SLC14A1: variants seen among roughly 807,000 people sequenced by gnomAD.
SLC14A1 encodes the protein urea transporter 1.
In SLC14A1, 36 loss-of-function variants were observed where a neutral mutation model predicts 39.6. That is an observed-to-expected ratio of 0.91 (90% CI 0.70 to 1.20). The LOEUF is 1.20. Ranked by LOEUF, SLC14A1 falls within the 50% of genes most tolerant of loss-of-function variation. The pLI is 0.00. For synonymous variants in SLC14A1, 164 were observed against 173.6 expected (o/e 0.94, Z 0.43); for missense variants, 469 against 478.7 (o/e 0.98, Z 0.19).
Position 45,730,331 on chromosome 18 carries a change from G to A in SLC14A1, c.11G>A (p.Ser4Asn). 1 of 1,613,044 alleles carries A rather than the reference G, an allele frequency of 6.2e-7. No individual in the cohort carries two copies. The highest frequency in any genetic ancestry group is 8.5e-7 in the Non-Finnish European group (1 of 1,179,850). MED[S>N]PTMVRVDSPT... ...GAGGAAGAGATAGCCATGGAGGACA[G>A]CCCCACTATGGTTAGAGTGGACAGC... The change falls in exon 3 of 10, where the codon AGC (serine) becomes AAC (asparagine). Residue 4 changes from serine (S) to asparagine (N), a missense_variant. Physicochemically the swap from Ser to Asn is conservative, Grantham distance 46. Transcript: ENST00000321925.
intron 2 of SLC14A1, among the ~76,000 whole-genome samples, chr18:45,727,883 G>A (rs1237696581): frequency 6.6e-6 from 1 of 152,188 alleles, no homozygotes; most frequent in African/African-American, 2.4e-5. Flanking sequence ...ACAACTGTAA[G>A]TTTCGTATTT....
chr18:45,747,083 A>T (rs183154013), intron 8 of SLC14A1: 1 of 152,304 alleles, frequency 6.6e-6, no homozygotes, highest in African/African-American at 2.4e-5. Flanking sequence ...AGCCTCTCCC[A>T]CCATGTCTGC....
At chr18:45,731,366 TAC>T (rs2047025231) in intron 4 of SLC14A1, 162 bp downstream of exon 4, 1 of 721,240 alleles carries the variant, frequency 1.4e-6, no homozygotes, top group African/African-American at 1.7e-5. Flanking sequence ...GGGAATCAGT[TAC>T]AGTCTCTTGC....
At chr18:45,745,235 C>T (rs1381360881) in intron 8 of SLC14A1, among the ~76,000 whole-genome samples, 1 of 152,230 alleles carries the variant, frequency 6.6e-6, no homozygotes, top group Admixed American at 6.5e-5. Flanking sequence ...GAGAGAGACT[C>T]TGTCTCAAAG....
intron 4 of SLC14A1, chr18:45,731,458 A>T: frequency 1.9e-6 from 1 of 530,548 alleles, no homozygotes; most frequent in Non-Finnish European, 3.4e-6. Context: ...CTAAGCTACA[A>T]GTATTTCCCT....
At chr18:45,736,301 G>C (rs899445752) in intron 5 of SLC14A1, among the ~76,000 whole-genome samples, 155 bp from the exon 6 acceptor site, 2 of 152,156 alleles carry the variant, frequency 1.3e-5, no homozygotes, top group Non-Finnish European at 2.9e-5. Context: ...CTCTATAATA[G>C]GATTTATCCC....
chr18:45,734,938 T>G (rs148250220), intron 5 of SLC14A1, among the ~76,000 whole-genome samples: 123 of 152,282 alleles, frequency 8.1e-4, no homozygotes, highest in Non-Finnish European at 1.5e-3. Context: ...TACAACCAGT[T>G]ATTTGGCCTT....
Position 45,731,276 on chromosome 18 carries a change from A to G in SLC14A1, c.341+72A>G, listed in dbSNP as rs534964434. 30 of 1,425,928 alleles carry G rather than the reference A, an allele frequency of 2.1e-5. No individual in the cohort carries two copies. In the Admixed American group the frequency reaches 4.4e-4, roughly 21 times the overall value. The allele number at this position is 1,425,928 out of a possible 1,614,324, so 88.3% of individuals were successfully genotyped here. ...GGGCTGACCAGTTACTGTGGGCAAC[A>G]GTGATAAAACCACATCCTTCCCAGG... On this transcript the variant is annotated intron_variant, in intron 4 of 9. Coordinates refer to ENST00000321925, the MANE Select transcript of SLC14A1 (RefSeq NM_015865.7).
At chr18:45,729,637 A>G (rs1488591535) in intron 2 of SLC14A1, 3 of 152,180 alleles carry the variant, frequency 2.0e-5, no homozygotes, top group African/African-American at 7.2e-5. Flanking sequence ...CTGGTTTTAC[A>G]TATTTAAATA....
At chr18:45,748,534 A>T (rs2047618279) in intron 9 of SLC14A1, 109 bp downstream of exon 9, 2 of 1,106,084 alleles carry the variant, frequency 1.8e-6, no homozygotes, top group Non-Finnish European at 2.8e-6. Context: ...AGGATCCATG[A>T]CCATGAGAAG....
chr18:45,734,436 G>GAAAA, intron 5 of SLC14A1, 34 bp downstream of exon 5: 1 of 1,370,638 alleles, frequency 7.3e-7, no homozygotes, highest in Non-Finnish European at 1.0e-6. Flanking sequence ...ATGCCTTTTT[G>GAAAA]AAAAAAAAAA....
Position 45,734,382 on chromosome 18 carries a change from A to G in SLC14A1, c.450A>G (p.Val150=). 2 of 1,613,506 alleles carry G rather than the reference A, an allele frequency of 1.2e-6. No individual in the cohort carries two copies. The highest frequency in any genetic ancestry group is 1.7e-6 in the Non-Finnish European group (2 of 1,179,824). The change falls in exon 5 of 10, where the codon GTA becomes GTG. Residue 150 remains valine, a synonymous_variant. Transcript: ENST00000321925. ...ATTTCTGGTGGCTGTTACTCCCTGTATGTGCTATGTCCATGACTTGGTAAG... is the reference window on the plus strand; with the variant it reads ...ATTTCTGGTGGCTGTTACTCCCTGTGTGTGCTATGTCCATGACTTGGTAAG... The part of the protein sequence containing the change: ...GDYFWWLLLP[V]CAMSMTCPIF...
chr18:45,730,817 G>C (rs576058993), intron 3 of SLC14A1, among the ~76,000 whole-genome samples, 198 bp from the exon 4 acceptor site: 1 of 152,226 alleles, frequency 6.6e-6, no homozygotes, highest in South Asian at 2.1e-4. Flanking sequence ...GGGCAGTGTG[G>C]GTTGAGCATA....
intron 4 of SLC14A1, 184 bp from the exon 5 acceptor site, chr18:45,734,090 T>G: frequency 2.9e-6 from 2 of 694,126 alleles, no homozygotes; most frequent in Non-Finnish European, 4.8e-6. Context: ...TTTTTATCTA[T>G]GTATATTTCA....
chr18:45,730,571 T>C, intron 3 of SLC14A1, 100 bp downstream of exon 3: 1 of 1,286,474 alleles, frequency 7.8e-7, no homozygotes, highest in East Asian at 2.3e-5. Flanking sequence ...TTCTCCAACT[T>C]TTTATAGATC....
intron 5 of SLC14A1, 107 bp from the exon 6 acceptor site, chr18:45,736,349 G>A (rs903150184): frequency 9.4e-5 from 98 of 1,045,440 alleles, no homozygotes; most frequent in African/African-American, 2.5e-4. Context: ...AACACAACAC[G>A]TAAGGGGCCT....
At chr18:45,724,638 G>A (rs28994269) in intron 1 of SLC14A1, among the ~76,000 whole-genome samples, 4,759 of 152,312 alleles carry the variant, frequency 0.031, 259 homozygotes, top group African/African-American at 0.11. Context: ...TTTGGGCTGT[G>A]TTCTTGAAAT....
intron 2 of SLC14A1, among the ~76,000 whole-genome samples, chr18:45,725,526 C>T (rs1011003682): frequency 1.3e-5 from 2 of 152,104 alleles, no homozygotes; most frequent in Non-Finnish European, 2.9e-5. Context: ...TTGTTCAACC[C>T]CCACCCCAAG....
intron 8 of SLC14A1, among the ~76,000 whole-genome samples, 171 bp from the exon 9 acceptor site, chr18:45,748,205 G>A (rs1245425912): frequency 6.6e-6 from 1 of 152,124 alleles, no homozygotes; most frequent in Non-Finnish European, 1.5e-5. Flanking sequence ...AGAGCCCATG[G>A]AGCTCCTAAG....
Sources: allele counts gnomAD v4.1 joint callset (sites outside exome capture counted in the v4.1 genomes callset), GRCh38; gene constraint gnomAD v4.1.1; transcripts MANE v1.5; gene names NCBI Gene and HGNC (gene_info 2026-07-23, HGNC 2026-07-21).